LILRA5: variants seen among roughly 807,000 people sequenced by gnomAD.
LILRA5 encodes leukocyte immunoglobulin like receptor A5.
Under a neutral mutation model 36.3 loss-of-function variants are expected in LILRA5, and 31 were observed. The ratio of observed to expected loss-of-function variants is 0.85; its 90% CI spans 0.64 to 1.15. The LOEUF (loss-of-function observed/expected upper bound fraction) is 1.15, where lower values mean the gene tolerates loss of function less well. LILRA5 is among the 50% of genes most tolerant of loss of function. The pLI is 0.00. For synonymous variants in LILRA5, 144 were observed against 144.8 expected, an observed-to-expected ratio of 0.99 and a Z score of 0.04; for missense variants, 348 against 377.4, an observed-to-expected ratio of 0.92 and a Z score of 0.64.
At position 54,311,412 on chromosome 19, in the gene LILRA5, A is replaced by G. The variant is rs2081009200; in HGVS notation, c.712+2T>C. On this transcript the variant is annotated splice_donor_variant, in intron 5 of 6. Coordinates refer to ENST00000432233, the MANE Select transcript of LILRA5 (RefSeq NM_021250.4). LOFTEE classifies it high-confidence loss of function. ...TACTAGAGAAGACTGTGGCTTCCTCACCTGAGACCGGAATCTCCAGGAGGT... is the reference window on the plus strand; with the variant it reads ...TACTAGAGAAGACTGTGGCTTCCTCGCCTGAGACCGGAATCTCCAGGAGGT... 1.2e-6 allele frequency: 2 copies of G among 1,614,072 alleles called. No individual in the cohort carries two copies. The highest frequency in any genetic ancestry group is 1.7e-6 in the Non-Finnish European group (2 of 1,179,998).
Position 54,312,573 on chromosome 19 carries a change from C to T in LILRA5, c.52G>A (p.Ala18Thr), listed in dbSNP as rs963042928. 4 of 1,614,088 alleles carry T rather than the reference C, an allele frequency of 2.5e-6. No individual in the cohort carries two copies. The African/African-American group carries it at 4.0e-5, about 16-fold the overall frequency. ...SAQLQPVGGD[A>T]VSPALMVLLC... is the part of the protein sequence containing the mutation. ...AGAACCATGAGGGCAGGGCTCACGGCGTCTCCTCCCACTGGCTGCAGCTGT... is the reference window on the plus strand; with the variant it reads ...AGAACCATGAGGGCAGGGCTCACGGTGTCTCCTCCCACTGGCTGCAGCTGT... Residue 18 changes from alanine (A) to threonine (T), a missense_variant, in exon 2 of 7, where the codon GCC becomes ACC. By Grantham distance (58) the Ala-to-Thr change is moderately conservative. Coordinates refer to ENST00000432233, the MANE Select transcript of LILRA5 (RefSeq NM_021250.4).
rs2080935373 is a variant in LILRA5 at position 54,308,375 on chromosome 19, AT to A, written c.713-628del. 5.5e-3 allele frequency: 275 copies of A among 50,180 alleles called. 9 individuals are homozygous for A. Among genetic ancestry groups the A allele is most frequent in the Non-Finnish European group, 7.6e-3 (226 of 29,552 alleles). The allele number at this position is 50,180 out of a possible 1,614,324, so 3.1% of individuals were successfully genotyped here. A position where few individuals can be genotyped will look rare whatever the true frequency, so the allele number is the denominator to read the frequency against. On this transcript the variant is annotated intron_variant, in intron 5 of 6. Transcript: ENST00000432233. ...TATAAATATATATATATATATATAT[AT>A]ATATATATATATATATATATATATA...
Position 54,308,365 on chromosome 19 carries a change from ATAT to A in LILRA5, c.713-620_713-618del, listed in dbSNP as rs2080932694. On this transcript the variant is annotated intron_variant, in intron 5 of 6. Transcript: ENST00000432233. ...TATATGTATATATAAATATATATAT[ATAT>A]ATATATATATATATATATATATATA... The A allele has an allele frequency of 1.2e-3, 27 of 21,900 alleles. 1 individual carries two copies. Among genetic ancestry groups the A allele is most frequent in the African/African-American group, 7.8e-3 (26 of 3,348 alleles). The allele number at this position is 21,900 out of a possible 1,614,324, so 1.4% of individuals were successfully genotyped here.
intron 5 of LILRA5, chr19:54,308,400 T>C (rs2080940871): frequency 1.1e-5 from 1 of 94,838 alleles, no homozygotes; most frequent in South Asian, 3.8e-4. Flanking sequence ...TATATATATA[T>C]ATATATATGG....
chr19:54,310,896 G>A (rs2080995657), intron 5 of LILRA5: 1 of 246,282 alleles, frequency 4.1e-6, no homozygotes. Context: ...AGCCGGGACT[G>A]CAGGGGCTGG....
At position 54,312,382 on chromosome 19, in the gene LILRA5, T is replaced by C. The variant is rs1265535248; in HGVS notation, c.89-12A>G. On this transcript the variant is annotated splice_polypyrimidine_tract_variant and intron_variant, in intron 2 of 6. Coordinates refer to ENST00000432233, the MANE Select transcript of LILRA5 (RefSeq NM_021250.4). ...GCCCAGACTCAGCCCTGGAAGAGAGTTCCCTGTGAGAGATTTGCCTCTGAA... is the reference window on the plus strand; with the variant it reads ...GCCCAGACTCAGCCCTGGAAGAGAGCTCCCTGTGAGAGATTTGCCTCTGAA... The C allele has an allele frequency of 1.2e-6, 2 of 1,613,986 alleles. No homozygotes were observed. The highest frequency in any genetic ancestry group is 1.7e-6 in the Non-Finnish European group (2 of 1,179,970).
At chr19:54,312,294 A>T (rs771195538) in intron 3 of LILRA5, 41 bp downstream of exon 3, 1 of 1,607,320 alleles carries the variant, frequency 6.2e-7, no homozygotes, top group Non-Finnish European at 8.5e-7. Flanking sequence ...CTTTGTCCCC[A>T]TTGAGGAGGA....
At chr19:54,311,336 G>C in intron 5 of LILRA5, 78 bp downstream of exon 5, 1 of 1,613,344 alleles carries the variant, frequency 6.2e-7, no homozygotes, top group Non-Finnish European at 8.5e-7. Context: ...TCTTAGCAGG[G>C]GCTGCCCTGC....
Position 54,312,188 on chromosome 19 carries a change from C to A in LILRA5, c.125-40G>T, listed in dbSNP as rs375703888. On this transcript the variant is annotated intron_variant, in intron 3 of 6. Transcript: ENST00000432233. ...GAGTCTGGGCTCCAAGACCTCCCCA[C>A]CCCTCAGATCCCAGCTCTCAGCCCC... is the stretch of plus-strand genomic sequence containing the variant. 42 of 1,610,694 alleles carry A rather than the reference C, an allele frequency of 2.6e-5. No homozygotes were observed. The African/African-American group carries it at 5.2e-4, about 20-fold the overall frequency.
rs370650627 is a variant in LILRA5 at position 54,307,567 on chromosome 19, A to G, written c.764-18T>C. On this transcript the variant is annotated intron_variant, in intron 6 of 6. Coordinates refer to ENST00000432233, the MANE Select transcript of LILRA5 (RefSeq NM_021250.4). ...GTGTGAGGCTGGGGATGGTGGACAA[A>G]GAGGTCACAGAGGTCAGGGCAGATC... is the stretch of plus-strand genomic sequence containing the variant. 1 of 1,613,770 alleles carries G rather than the reference A, an allele frequency of 6.2e-7. No individual in the cohort carries two copies. Among genetic ancestry groups the G allele is most frequent in the African/African-American group, 1.3e-5 (1 of 74,890 alleles).
intron 1 of LILRA5, 117 bp downstream of exon 1, chr19:54,312,900 G>A (rs1278619366): frequency 1.6e-6 from 2 of 1,289,280 alleles, no homozygotes; most frequent in Non-Finnish European, 2.2e-6. Context: ...TAGACCCGGT[G>A]CCTTCCTGAG....
Position 54,312,096 on chromosome 19 carries a change from C to T in LILRA5, c.177G>A (p.Arg59=). 1 of 1,614,144 alleles carries T rather than the reference C, an allele frequency of 6.2e-7. No individual in the cohort carries two copies. The highest frequency in any genetic ancestry group is 8.5e-7 in the Non-Finnish European group (1 of 1,180,018). The change falls in exon 4 of 7, where the codon CGG becomes CGA. Residue 59 remains arginine (R), a synonymous_variant. Transcript: ENST00000432233. The stretch of plus-strand genomic sequence containing the variant: ...GACACCGGATGGTCACAGAGTTCCC[C>T]CGGCTGATCACAGAGCCTGGCTCAG... ...LWAEPGSVIS[R]GNSVTIRCQG...
At chr19:54,312,814 G>A in intron 1 of LILRA5, 193 bp from the exon 2 acceptor site, 1 of 784,094 alleles carries the variant, frequency 1.3e-6, no homozygotes, top group Non-Finnish European at 2.1e-6. Context: ...TCAGACAGAA[G>A]TGGGGTCTCC....
chr19:54,310,801 A>G, intron 5 of LILRA5: 1 of 263,534 alleles, frequency 3.8e-6, no homozygotes, highest in Non-Finnish European at 8.0e-6. Flanking sequence ...GTGATACTGG[A>G]GGGTCAGGTT....
chr19:54,311,155 C>A lies in LILRA5; in HGVS notation c.712+259G>T. 1.1e-5 allele frequency: 9 copies of A among 842,324 alleles called. 1 individual carries two copies. Among genetic ancestry groups the A allele is most frequent in the Non-Finnish European group, 1.3e-5 (8 of 599,838 alleles). The allele number at this position is 842,324 out of a possible 1,614,324, so 52.2% of individuals were successfully genotyped here. On this transcript the variant is annotated intron_variant, in intron 5 of 6. Coordinates refer to ENST00000432233, the MANE Select transcript of LILRA5 (RefSeq NM_021250.4). ...ATTTTTAGTAGAAATGGGGTTTCAC[C>A]ATGTTGGCCAGGCTGGTCTTGAACT...
In LILRA5 at chr19:54,307,757, CAA is replaced by C. The variant is rs1222248992; in HGVS notation, c.713-11_713-10del. 6.2e-7 allele frequency: 1 copy of C among 1,613,780 alleles called. No homozygotes were observed. The highest frequency in any genetic ancestry group is 1.7e-5 in the Admixed American group (1 of 60,010). ...GAGGTTATCAGCTGCTCCTGAAAAT[CAA>C]AACAGGGGAAGGGGAAGGAGAAGTT... On this transcript the variant is annotated splice_polypyrimidine_tract_variant and intron_variant, in intron 5 of 6. Coordinates refer to ENST00000432233, the MANE Select transcript of LILRA5 (RefSeq NM_021250.4).
In LILRA5 at chr19:54,312,034, T is replaced by G; in HGVS notation, c.239A>C (p.Lys80Thr). 3 of 1,614,192 alleles carry G rather than the reference T, an allele frequency of 1.9e-6. No individual in the cohort carries two copies. The highest frequency in any genetic ancestry group is 2.5e-6 in the Non-Finnish European group (3 of 1,180,014). ...GTCCCAGGGTTCTGGGCTTCCCTCT[T>G]TAACCAGACGGTATTCCTGGGCCTC... ...TLEAQEYRLV[K>T]EGSPEPWDTQ... Residue 80 changes from lysine (K) to threonine (T), a missense_variant, in exon 4 of 7, where the codon AAA becomes ACA. Lys to Thr is a moderately conservative substitution (Grantham distance 78). Coordinates refer to ENST00000432233, the MANE Select transcript of LILRA5 (RefSeq NM_021250.4).
In LILRA5 at chr19:54,308,354, AATATATATATATATATAT is replaced by A. The variant is rs60172604; in HGVS notation, c.713-624_713-607del. Reference sequence around the variant, plus strand: ...GTGTGTGTATATATATGTATATATAAATATATATATATATATATATATATATATATATATATATATATA... The same window carrying A: ...GTGTGTGTATATATATGTATATATAAATATATATATATATATATATATATA... On this transcript the variant is annotated intron_variant, in intron 5 of 6. Coordinates refer to ENST00000432233, the MANE Select transcript of LILRA5 (RefSeq NM_021250.4). 8.1e-3 allele frequency: 149 copies of A among 18,484 alleles called. 2 individuals are homozygous for A. The highest frequency in any genetic ancestry group is 0.023 in the African/African-American group (64 of 2,832). 1.1% of individuals were successfully genotyped at this position (18,484 alleles called of 1,614,324 possible).
In LILRA5 at chr19:54,307,452, C is replaced by T. The variant is rs779366333; in HGVS notation, c.861G>A (p.Trp287Ter). 2 of 1,613,644 alleles carry T rather than the reference C, an allele frequency of 1.2e-6. No homozygotes were observed. The highest frequency in any genetic ancestry group is 4.5e-5 in the East Asian group (2 of 44,878). Residue 287 changes from tryptophan (W) to a stop codon, truncating the protein, a stop_gained, in exon 7 of 7, where the codon TGG (tryptophan) becomes TGA (stop). Coordinates refer to ENST00000432233, the MANE Select transcript of LILRA5 (RefSeq NM_021250.4). LOFTEE classifies it high-confidence loss of function. ...CAGCTTGGGGGCTTCTCTGGCTGTG[C>T]CAATCCTGAAATATCAGAATCCCAA... ...VVLGILIFQDWHSQRSPQAAA... is the reference protein window; with the variant it reads ...VVLGILIFQD
Sources: gnomAD v4.1 joint callset for allele counts on GRCh38, gnomAD v4.1.1 for gene constraint, MANE v1.5 for transcripts, NCBI Gene and HGNC (gene_info 2026-07-23, HGNC 2026-07-21) for gene names.